Variants in CDKN2A observed in about 807,000 individuals in gnomAD.
CDKN2A encodes the protein cyclin dependent kinase inhibitor 2A, also known as cyclin-dependent kinase inhibitor 2A.
In CDKN2A, 3 loss-of-function variants were observed where a neutral mutation model predicts 11.1. That is an observed-to-expected ratio of 0.27 (90% confidence interval 0.12 to 0.70). The LOEUF is 0.70. Ranked by LOEUF, CDKN2A falls within the 30% of genes least tolerant of loss-of-function variation. The pLI is 0.77. For missense variants in CDKN2A, 265 were observed against 233.6 expected, an observed-to-expected ratio of 1.13 and a Z score of -0.88; for synonymous variants, 122 against 108.1, an observed-to-expected ratio of 1.13 and a Z score of -0.80.
chr9:21,985,999 A>G (rs948123596), intron 2 of CDKN2A, among the ~76,000 whole-genome samples: 4 of 152,030 alleles, frequency 2.6e-5, no homozygotes, highest in African/African-American at 9.7e-5. Context: ...ATAACTGACA[A>G]ACGTACACTG....
At chr9:21,994,615 G>GGC (rs1485847635) in intron 1 of CDKN2A, 6 of 545,640 alleles carry the variant, frequency 1.1e-5, no homozygotes, top group South Asian at 4.4e-5. Flanking sequence ...CCCGTAGGGA[G>GGC]GCGCGCGCGC....
intron 2 of CDKN2A, chr9:21,989,526 C>G (rs562672472): frequency 6.6e-6 from 1 of 152,162 alleles, no homozygotes; most frequent in Non-Finnish European, 1.5e-5. Context: ...GAAGTCGTGG[C>G]CTTTCAACAC....
chr9:21,982,198 A>C (rs906000947), intron 2 of CDKN2A, among the ~76,000 whole-genome samples: 1 of 152,228 alleles, frequency 6.6e-6, no homozygotes, highest in Non-Finnish European at 1.5e-5. Context: ...GATTTAATGC[A>C]TAATTATAGT....
At chr9:21,993,859 C>T (rs1820508551) in intron 2 of CDKN2A, 1 of 525,920 alleles carries the variant, frequency 1.9e-6, no homozygotes, top group South Asian at 2.0e-5. Flanking sequence ...TAGTCATTCC[C>T]ACCCAGGATA....
At chr9:21,971,255 G>T in intron 1 of CDKN2A, 47 bp from the exon 2 acceptor site, 1 of 1,573,506 alleles carries the variant, frequency 6.4e-7, no homozygotes, top group South Asian at 1.1e-5. Flanking sequence ...GGGCCGGCAT[G>T]ACGGAAAGGA....
chr9:21,984,018 A>C (rs1380699013), intron 2 of CDKN2A, among the ~76,000 whole-genome samples: 2 of 152,010 alleles, frequency 1.3e-5, no homozygotes, highest in Non-Finnish European at 2.9e-5. Flanking sequence ...ATATATAAAA[A>C]TCCGGGTGCA....
rs1218518029 is a variant in CDKN2A at position 21,968,832 on chromosome 9, T to G, written c.458-590A>C. 2.7e-6 allele frequency: 4 copies of G among 1,494,682 alleles called. No homozygotes were observed. In the East Asian group the frequency reaches 7.4e-5, roughly 28 times the overall value. 92.6% of individuals were successfully genotyped at this position (1,494,682 alleles called of 1,614,324 possible). ...CTGGCTTCTGCCTTCCTCTCTAATC[T>G]CGTTGCGTATGGGCTCCAGCTCGCC... On this transcript the variant is annotated intron_variant, in intron 2 of 2. Transcript: ENST00000304494. The surrounding 1 kb of genome is among the most constrained non-coding windows in gnomAD (Gnocchi z 4.7).
chr9:21,983,465 C>G (rs977972440), intron 2 of CDKN2A, among the ~76,000 whole-genome samples: 2 of 152,042 alleles, frequency 1.3e-5, no homozygotes, highest in Non-Finnish European at 2.9e-5. Context: ...ACAGCTGTAA[C>G]ACATCCCACT....
Position 21,968,298 on chromosome 9 carries a change from CACA to C in CDKN2A, c.458-59_458-57del. The stretch of plus-strand genomic sequence containing the variant: ...GAAACCTGAGGTCAAAGATGTGTGG[CACA>C]TCCCGCCCTCCTCTCTTGCCGTCCC... On this transcript the variant is annotated intron_variant, in intron 2 of 2. Coordinates refer to ENST00000304494, the MANE Select transcript of CDKN2A (RefSeq NM_000077.5). The surrounding 1 kb of genome is among the most constrained non-coding windows in gnomAD (Gnocchi z 4.7). 1 of 1,596,972 alleles carries C rather than the reference CACA, an allele frequency of 6.3e-7. No individual in the cohort carries two copies.
chr9:21,976,444 G>A (rs1412498532), upstream of CDKN2A, among the ~76,000 whole-genome samples: 2 of 151,532 alleles, frequency 1.3e-5, no homozygotes. Context: ...GTCCGGATGC[G>A]GTGGCTCACG....
chr9:21,989,625 C>T (rs1820377014), intron 2 of CDKN2A: 1 of 152,156 alleles, frequency 6.6e-6, no homozygotes, highest in Admixed American at 6.5e-5. Flanking sequence ...CCGGGTAACC[C>T]TGACTCACTT....
At position 21,984,009 on chromosome 9, in the gene CDKN2A, T is replaced by A. The variant is rs558944949; in HGVS notation, c.-4+9873A>T. 5.9e-5 allele frequency among the ~76,000 whole-genome samples: 9 copies of A among 152,160 alleles called. No individual in the cohort carries two copies. The East Asian group carries it at 1.7e-3, about 29-fold the overall frequency. On this transcript the variant is annotated intron_variant, in intron 2 of 3. Coordinates refer to the CDKN2A transcript ENST00000494262. The stretch of plus-strand genomic sequence containing the variant: ...ACTGTGAGGAATAAAGAATGTCAGA[T>A]ATATAAAAATCCGGGTGCACGGTAG...
At chr9:21,975,473 C>G (rs1416729818), upstream of CDKN2A, among the ~76,000 whole-genome samples, 1 of 151,902 alleles carries the variant, frequency 6.6e-6, no homozygotes, top group African/African-American at 2.4e-5. Flanking sequence ...CCCCCTACCC[C>G]CTCAACCCTT....
Position 21,971,053 on chromosome 9 carries a change from C to T in CDKN2A, c.306G>A (p.Ala102=), listed in dbSNP as rs1064794863. The part of the protein sequence containing the change: ...DTLVVLHRAG[A]RLDVRDAWGR... ...CCCAGGCATCGCGCACGTCCAGCCG[C>T]GCCCCGGCCCGGTGCAGCACCACCA... The change falls in exon 2 of 3, where the codon GCG becomes GCA. Residue 102 remains alanine (A), a synonymous_variant. Coordinates refer to ENST00000304494, the MANE Select transcript of CDKN2A (RefSeq NM_000077.5). 2 of 1,605,318 alleles carry T rather than the reference C, an allele frequency of 1.2e-6. No individual in the cohort carries two copies. The highest frequency in any genetic ancestry group is 1.7e-6 in the Non-Finnish European group (2 of 1,179,312).
chr9:21,989,664 G>A (rs1463974042), intron 2 of CDKN2A: 1 of 152,166 alleles, frequency 6.6e-6, no homozygotes, highest in Non-Finnish European at 1.5e-5. Flanking sequence ...CCAAAACAAG[G>A]CCTAGCCAGT....
Position 21,991,508 on chromosome 9 carries a change from A to C in CDKN2A, c.-4+2374T>G, listed in dbSNP as rs1286224272. On this transcript the variant is annotated intron_variant, in intron 2 of 3. Coordinates refer to the CDKN2A transcript ENST00000494262. This position sits in a 1 kb window ranked among gnomAD's most constrained non-coding sequence, Gnocchi z 5.2. ...TGAGATTTTCTCTGTTTCTCCAAGG[A>C]CTTTTGAAAAAGTGTAAAAGCACTG... The C allele has an allele frequency of 4.0e-6, 1 of 250,416 alleles. No individual in the cohort carries two copies. Among genetic ancestry groups the C allele is most frequent in the Admixed American group, 6.5e-5 (1 of 15,366 alleles). The allele number at this position is 250,416 out of a possible 1,614,324, so 15.5% of individuals were successfully genotyped here.
chr9:21,969,323 G>A (rs1484527584), intron 2 of CDKN2A, among the ~76,000 whole-genome samples: 2 of 152,178 alleles, frequency 1.3e-5, no homozygotes, highest in Admixed American at 1.3e-4. Flanking sequence ...GGGAGTTTGA[G>A]GCTGCAGTGA....
At chr9:21,977,020 T>C (rs1451245773), upstream of CDKN2A, among the ~76,000 whole-genome samples, 1 of 152,244 alleles carries the variant, frequency 6.6e-6, no homozygotes, top group African/African-American at 2.4e-5. Flanking sequence ...AATCCCTGGT[T>C]GACTTAAACC....
rs1460851588 is a variant in CDKN2A at position 21,992,006 on chromosome 9, T to C, written c.-4+1876A>G. ...TGACTATTTTGTAAATGCACCAAGG[T>C]AGAAGTAACAAATCAACTATGGCAA... On this transcript the variant is annotated intron_variant, in intron 2 of 3. Coordinates refer to the CDKN2A transcript ENST00000494262. The C allele has an allele frequency of 2.2e-5, 22 of 984,540 alleles. No individual in the cohort carries two copies. The African/African-American group carries it at 2.8e-4, about 13-fold the overall frequency. The allele number at this position is 984,540 out of a possible 1,614,324, so 61.0% of individuals were successfully genotyped here. A position where few individuals can be genotyped will look rare whatever the true frequency, so the allele number is the denominator to read the frequency against.
Sources: gnomAD v4.1 joint callset for allele counts (sites outside exome capture counted in the v4.1 genomes callset) on GRCh38, gnomAD v4.1.1 for gene constraint, Gnocchi (gnomAD v3.1) non-coding constraint, MANE v1.5 for transcripts, NCBI Gene and HGNC (gene_info 2026-07-23, HGNC 2026-07-21) for gene names.